The following PIP4P2 variants were observed in gnomAD, a reference collection of about 807,000 sequenced individuals.
The protein encoded by PIP4P2 is type 2 phosphatidylinositol 4,5-bisphosphate 4-phosphatase.
PIP4P2 carries 19 observed loss-of-function variants against 33.3 expected under a neutral mutation model. The observed-to-expected ratio is 0.57, with a 90% confidence interval of 0.40 to 0.84. The LOEUF (loss-of-function observed/expected upper bound fraction) is 0.84. Ranked by LOEUF, PIP4P2 falls within the 40% of genes least tolerant of loss-of-function variation. The pLI is 0.00. For synonymous variants in PIP4P2, 110 were observed against 111.9 expected, an observed-to-expected ratio of 0.98 and a Z score of 0.11; for missense variants, 270 against 324.7, an observed-to-expected ratio of 0.83 and a Z score of 1.29.
chr8:90,999,548 G>A lies in PIP4P2; in HGVS notation c.540-2804C>T, dbSNP rs533625089. On this transcript the variant is annotated intron_variant, in intron 5 of 6. Coordinates refer to ENST00000285419, the MANE Select transcript of PIP4P2 (RefSeq NM_018710.3). Reference sequence around the variant, plus strand: ...TCAGAAAACTGTACTCATCACTTTTGTTCACATTCCATTGGTCCTAACTTA... The same window carrying A: ...TCAGAAAACTGTACTCATCACTTTTATTCACATTCCATTGGTCCTAACTTA... Among the ~76,000 whole-genome samples the A allele has an allele frequency of 5.9e-5, 9 of 152,040 alleles. No homozygotes were observed. In the South Asian group the frequency reaches 1.9e-3, roughly 32 times the overall value.
chr8:91,036,607 CG>C (rs1476831610), intron 1 of PIP4P2, among the ~76,000 whole-genome samples: 1 of 152,104 alleles, frequency 6.6e-6, no homozygotes, highest in East Asian at 1.9e-4. Flanking sequence ...TTAAATTGCC[CG>C]AATTATTACA....
intron 3 of PIP4P2, among the ~76,000 whole-genome samples, chr8:91,019,394 A>C (rs150101882): frequency 1.2e-5 from 1 of 80,258 alleles, no homozygotes; most frequent in African/African-American, 3.7e-5. Context: ...CCCTGTCTCT[A>C]CAAAAAAAAA....
intron 4 of PIP4P2, among the ~76,000 whole-genome samples, chr8:91,009,775 A>G (rs532424142): frequency 6.6e-6 from 1 of 152,012 alleles, no homozygotes; most frequent in East Asian, 1.9e-4. Flanking sequence ...TTCTTTTATG[A>G]TTAGAGTTAA....
At chr8:91,036,882 T>C (rs1379497905) in intron 1 of PIP4P2, among the ~76,000 whole-genome samples, 4 of 152,144 alleles carry the variant, frequency 2.6e-5, no homozygotes, top group Non-Finnish European at 4.4e-5. Context: ...GAAGGCTCAA[T>C]TGAGCTTGGC....
intron 1 of PIP4P2, among the ~76,000 whole-genome samples, chr8:91,027,761 G>A (rs1356076934): frequency 6.6e-6 from 1 of 152,160 alleles, no homozygotes; most frequent in Non-Finnish European, 1.5e-5. Flanking sequence ...TGAGATGCTA[G>A]AATATCCCTA....
chr8:91,030,267 TA>T (rs1812145942), intron 1 of PIP4P2, among the ~76,000 whole-genome samples: 1 of 149,820 alleles, frequency 6.7e-6, no homozygotes, highest in African/African-American at 2.5e-5. Flanking sequence ...AAATGGCTAA[TA>T]AGTGTATGAG....
rs536414402 is a variant in PIP4P2, at chr8:91,000,678, A to G, written c.540-3934T>C. Among the ~76,000 whole-genome samples the G allele has an allele frequency of 8.0e-4, 122 of 151,968 alleles. 1 individual carries two copies. In the Middle Eastern group the frequency reaches 0.024, roughly 30 times the overall value. Reference sequence around the variant, plus strand: ...TATGCCTTTTGTCTCTCTGCTTTTAATTACCTTCTATTTCTCTTAGGTTTT... The same window carrying G: ...TATGCCTTTTGTCTCTCTGCTTTTAGTTACCTTCTATTTCTCTTAGGTTTT... On this transcript the variant is annotated intron_variant, in intron 5 of 6. Transcript: ENST00000285419.
chr8:91,028,835 T>C (rs1025917609), intron 1 of PIP4P2, among the ~76,000 whole-genome samples: 1 of 152,210 alleles, frequency 6.6e-6, no homozygotes, highest in African/African-American at 2.4e-5. Flanking sequence ...ACTGAAGTGA[T>C]GTGATAAGGC....
intron 1 of PIP4P2, among the ~76,000 whole-genome samples, chr8:91,034,340 T>C (rs1216357321): frequency 6.6e-6 from 1 of 152,100 alleles, no homozygotes; most frequent in East Asian, 1.9e-4. Context: ...AATATAAGAA[T>C]CCTGGAGCCT....
intron 3 of PIP4P2, 113 bp downstream of exon 3, chr8:91,020,044 G>T: frequency 2.1e-6 from 2 of 971,550 alleles, no homozygotes; most frequent in East Asian, 2.5e-5. Flanking sequence ...ATTCTGGAAT[G>T]ACTTTGAAAA....
Position 91,040,785 on chromosome 8 carries a change from C to A in PIP4P2, c.-36G>T, listed in dbSNP as rs956142240. 4 of 1,598,214 alleles carry A rather than the reference C, an allele frequency of 2.5e-6. No individual in the cohort carries two copies. The highest frequency in any genetic ancestry group is 3.4e-6 in the Non-Finnish European group (4 of 1,170,714). On this transcript the variant is annotated 5_prime_UTR_variant, in exon 1 of 7. Transcript: ENST00000285419. ...GCGGCGGGGCCTGGGGAGGCCGAGCCGGGGTTGCGGCCTCGGCGGAGTGGT... is the reference window on the plus strand; with the variant it reads ...GCGGCGGGGCCTGGGGAGGCCGAGCAGGGGTTGCGGCCTCGGCGGAGTGGT...
At chr8:91,014,392 A>G (rs572801717) in intron 4 of PIP4P2, among the ~76,000 whole-genome samples, 1 of 152,338 alleles carries the variant, frequency 6.6e-6, no homozygotes, top group African/African-American at 2.4e-5. Flanking sequence ...GTATATGCAT[A>G]CAATGAAATA....
At chr8:91,017,515 G>T (rs1363414242) in intron 4 of PIP4P2, among the ~76,000 whole-genome samples, 1 of 151,890 alleles carries the variant, frequency 6.6e-6, no homozygotes, top group East Asian at 1.9e-4. Context: ...AGTAACTAGG[G>T]GTCAGCTAGA....
At position 91,040,671 on chromosome 8, in the gene PIP4P2, G is replaced by C. The variant is rs758652355; in HGVS notation, c.79C>G (p.Pro27Ala). Reference protein sequence around the residue: ...HSGNVTPTAPPYLQESSPRAE... With the variant: ...HSGNVTPTAPAYLQESSPRAE... ...CTGGGGCTGCTTTCTTGCAAGTACG[G>C]TGGGGCGGTGGGAGTGACATTTCCG... Residue 27 changes from proline to alanine, a missense_variant, in exon 1 of 7, where the codon CCG becomes GCG. Transcript: ENST00000285419. The C allele has an allele frequency of 1.2e-6, 2 of 1,613,642 alleles. No homozygotes were observed. The highest frequency in any genetic ancestry group is 1.7e-6 in the Non-Finnish European group (2 of 1,180,042).
Position 91,020,259 on chromosome 8 carries a change from A to T in PIP4P2, c.260T>A (p.Ile87Asn). Reference protein sequence around the residue: ...KCTVCNEATPIKNPPTGKKYV... With the variant: ...KCTVCNEATPNKNPPTGKKYV... ...TTTCTTGCCTGTTGGGGGGTTTTTG[A>T]TTGGCTGGATAAGGGAAGAAAATGC... is the stretch of plus-strand genomic sequence containing the variant. The change falls in exon 3 of 7, where the codon ATC becomes AAC. Residue 87 changes from isoleucine to asparagine, a missense_variant. Transcript: ENST00000285419. The T allele has an allele frequency of 1.2e-6, 2 of 1,613,558 alleles. No homozygotes were observed. Among genetic ancestry groups the T allele is most frequent in the South Asian group, 1.1e-5 (1 of 91,068 alleles).
intron 4 of PIP4P2, chr8:91,016,550 G>A (rs141942499): frequency 6.6e-6 from 1 of 152,188 alleles, no homozygotes; most frequent in Non-Finnish European, 1.5e-5. Flanking sequence ...TGGCAACCTA[G>A]AATTGCACAT....
intron 4 of PIP4P2, among the ~76,000 whole-genome samples, chr8:91,009,531 T>C (rs1811803366): frequency 6.6e-6 from 1 of 152,018 alleles, no homozygotes; most frequent in Admixed American, 6.6e-5. Flanking sequence ...TATACTTCCT[T>C]ATAAAGGGTA....
At chr8:91,004,733 G>A (rs1811745323) in intron 5 of PIP4P2, among the ~76,000 whole-genome samples, 2 of 152,288 alleles carry the variant, frequency 1.3e-5, no homozygotes, top group South Asian at 4.1e-4. Context: ...AGGAAATGAA[G>A]TGAGCATGGA....
In PIP4P2 at chr8:91,024,126, A is replaced by G. The variant is rs188983797; in HGVS notation, c.107-2722T>C. On this transcript the variant is annotated intron_variant, in intron 1 of 6. Coordinates refer to ENST00000285419, the MANE Select transcript of PIP4P2 (RefSeq NM_018710.3). ...CTGGCCCACCAGATAAATGGAATCA[A>G]TCCAAGAGATCAATAGAATGACAGA... 1.2e-4 allele frequency among the ~76,000 whole-genome samples: 19 copies of G among 152,228 alleles called. No homozygotes were observed. The East Asian group carries it at 3.3e-3, about 26-fold the overall frequency.
Sources: allele counts gnomAD v4.1 joint callset (sites outside exome capture counted in the v4.1 genomes callset), GRCh38; gene constraint gnomAD v4.1.1; transcripts MANE v1.5; gene names NCBI Gene and HGNC (gene_info 2026-07-23, HGNC 2026-07-21).